DCLRE1C: variants seen among roughly 807,000 people sequenced by gnomAD.
DCLRE1C encodes the protein protein artemis.
A neutral mutation model predicts 61.4 loss-of-function variants in DCLRE1C; 47 were observed. The observed-to-expected ratio is 0.77, with a 90% CI of 0.61 to 0.98. The LOEUF (loss-of-function observed/expected upper bound fraction) is 0.98. Among genes scored for constraint, DCLRE1C ranks in the 50% least tolerant of loss-of-function variants. The pLI is 0.00. For missense variants in DCLRE1C, 858 were observed against 816.0 expected (o/e 1.05, Z -0.63); for synonymous variants, 337 against 287.6 (o/e 1.17, Z -1.74).
chr10:14,928,002 T>C lies in DCLRE1C; in HGVS notation c.917+14A>G. On this transcript the variant is annotated intron_variant, in intron 10 of 13. Coordinates refer to ENST00000378278, the MANE Select transcript of DCLRE1C (RefSeq NM_001033855.3). ...AAAGTTTCTCTCAGAAGACCTATGA[T>C]ATTGCTCTCTTACCTCACAATTACA... 1 of 1,613,454 alleles carries C rather than the reference T, an allele frequency of 6.2e-7. No homozygotes were observed.
chr10:14,940,921 C>T (rs138735967), intron 3 of DCLRE1C, among the ~76,000 whole-genome samples: 3,109 of 152,294 alleles, frequency 0.02, 39 homozygotes, highest in Non-Finnish European at 0.026. Flanking sequence ...CTCGCTCTGT[C>T]GCCCAGGCTG....
At chr10:14,925,222 A>AT (rs1257499445) in intron 11 of DCLRE1C, among the ~76,000 whole-genome samples, 2 of 134,824 alleles carry the variant, frequency 1.5e-5, no homozygotes, top group African/African-American at 3.1e-5. Context: ...GGAATAAAGG[A>AT]TTTAAAAAAA....
At chr10:14,954,417 A>C, upstream of DCLRE1C, 1 of 312,636 alleles carries the variant, frequency 3.2e-6, no homozygotes, top group South Asian at 3.0e-5. Context: ...GCGCTTAGAA[A>C]TCATTCTTCG....
At chr10:14,935,594 T>C in intron 5 of DCLRE1C, 30 bp from the exon 6 acceptor site, 1 of 1,603,048 alleles carries the variant, frequency 6.2e-7, no homozygotes, top group African/African-American at 1.3e-5. Flanking sequence ...CAGTGACTTC[T>C]GAGTCTCATA....
In DCLRE1C at chr10:14,940,281, G is replaced by C. The variant is rs41296974; in HGVS notation, c.247-412C>G. On this transcript the variant is annotated intron_variant, in intron 3 of 13. Transcript: ENST00000378278. ...TCTGTGACATGGATGCTTCATACAC[G>C]GTTCTTTTATTTTTTTTTTTTTTCT... Among the ~76,000 whole-genome samples, 1,234 of 132,290 alleles carry C rather than the reference G, an allele frequency of 9.3e-3. 19 individuals carry two copies. The highest frequency in any genetic ancestry group is 0.033 in the African/African-American group (1,170 of 35,764). The allele number at this position is 132,290 out of a possible 152,430, so 86.8% of individuals were successfully genotyped here. A position where few individuals can be genotyped will look rare whatever the true frequency, so the allele number is the denominator to read the frequency against.
At chr10:14,924,814 T>C (rs1282610047) in intron 11 of DCLRE1C, among the ~76,000 whole-genome samples, 1 of 151,692 alleles carries the variant, frequency 6.6e-6, no homozygotes. Flanking sequence ...GCCACTGCAC[T>C]CCAGCCTGGG....
chr10:14,953,993 C>T lies in DCLRE1C; in HGVS notation c.18G>A (p.Gly6=). Residue 6 remains glycine, a synonymous_variant, in exon 1 of 14, where the codon GGG becomes GGA. Coordinates refer to ENST00000378278, the MANE Select transcript of DCLRE1C (RefSeq NM_001033855.3). ...AGATAGTTGGATACTCGGCCATCTG[C>T]CCCTCGAAAGAACTCATAGCGCCGC... MSSFE[G]QMAEYPTISI... 2 of 1,614,016 alleles carry T rather than the reference C, an allele frequency of 1.2e-6. No homozygotes were observed. Among genetic ancestry groups the T allele is most frequent in the Non-Finnish European group, 8.5e-7 (1 of 1,179,920 alleles).
chr10:14,917,499 CA>C (rs762351575), intron 13 of DCLRE1C, among the ~76,000 whole-genome samples: 4 of 145,032 alleles, frequency 2.8e-5, no homozygotes, highest in African/African-American at 5.1e-5. Context: ...AAAAAAAAAA[CA>C]AAAAAAACTT....
rs41298936 is a variant in DCLRE1C at position 14,924,620 on chromosome 10, G to A, written c.973-1551C>T. Among the ~76,000 whole-genome samples the A allele has an allele frequency of 3.4e-3, 522 of 152,180 alleles. 3 individuals are homozygous for A. Among genetic ancestry groups the A allele is most frequent in the Non-Finnish European group, 5.4e-3 (365 of 68,004 alleles). ...TTCCAGCACTTTGGGAGGCCGAGCC[G>A]GGTGGATCACAAGGTCAGGAGTTCG... is the stretch of plus-strand genomic sequence containing the variant. On this transcript the variant is annotated intron_variant, in intron 11 of 13. Transcript: ENST00000378278.
chr10:14,908,165 C>CTTTTTTTTTT lies in DCLRE1C; in HGVS notation c.*233_*242dup, dbSNP rs750020058. On this transcript the variant is annotated 3_prime_UTR_variant, in exon 14 of 14. Transcript: ENST00000378278. Reference sequence around the variant, plus strand: ...CAGAGTAGCCCACCACCATGCCTGGCTTTTTTTTTTTTTTTTTTTTTTGTA... The same window carrying CTTTTTTTTTT: ...CAGAGTAGCCCACCACCATGCCTGGCTTTTTTTTTTTTTTTTTTTTTTTTTTTTTTTTGTA... The CTTTTTTTTTT allele has an allele frequency of 1.2e-3, 235 of 197,848 alleles. 34 individuals are homozygous for CTTTTTTTTTT. Among genetic ancestry groups the CTTTTTTTTTT allele is most frequent in the Middle Eastern group, 6.3e-3 (3 of 476 alleles). The allele number at this position is 197,848 out of a possible 1,614,324, so 12.3% of individuals were successfully genotyped here.
exon 14 of DCLRE1C, chr10:14,899,170 C>T (rs1240243337): frequency 1.4e-6 from 1 of 699,690 alleles, no homozygotes; most frequent in Admixed American, 2.0e-5. Flanking sequence ...AAAACTAAAT[C>T]ATTAGCTGGG....
At position 14,935,477 on chromosome 10, in the gene DCLRE1C, C is replaced by T. The variant is rs1392587173; in HGVS notation, c.450G>A (p.Leu150=). 7 of 1,613,866 alleles carry T rather than the reference C, an allele frequency of 4.3e-6. No individual in the cohort carries two copies. The highest frequency in any genetic ancestry group is 2.2e-5 in the East Asian group (1 of 44,882). ...AQGEAARMEL[L]HSGGRVKDIQ... is the part of the protein sequence containing the mutation. ...AGGCCCAGTACCTGCCCCCGGAGTG[C>T]AGAAGCTCCATTCTAGCAGCTTCTC... The change falls in exon 6 of 14, where the codon CTG becomes CTA. Residue 150 remains leucine, a synonymous_variant. Coordinates refer to ENST00000378278, the MANE Select transcript of DCLRE1C (RefSeq NM_001033855.3).
intron 9 of DCLRE1C, 121 bp from the exon 10 acceptor site, chr10:14,928,273 A>T (rs951690798): frequency 3.4e-6 from 3 of 886,722 alleles, no homozygotes; most frequent in African/African-American, 1.7e-5. Context: ...AATAAAAAAA[A>T]AGCAGCAAAA....
chr10:14,914,305 TATCA>T (rs1835796302), intron 13 of DCLRE1C, among the ~76,000 whole-genome samples: 1 of 152,204 alleles, frequency 6.6e-6, no homozygotes, highest in South Asian at 2.1e-4. Context: ...AAGATAAAGG[TATCA>T]ATCCCTCAAG....
Position 14,919,820 on chromosome 10 carries a change from T to G in DCLRE1C, c.1074A>C (p.Leu358Phe). The change falls in exon 13 of 14, where the codon TTA becomes TTC. Residue 358 changes from leucine (L) to phenylalanine (F), a missense_variant. Around this residue, in one of 2 missense-constraint regions of DCLRE1C, gnomAD observed 843 missense variants for 783.5 expected, o/e 1.08. Coordinates refer to ENST00000378278, the MANE Select transcript of DCLRE1C (RefSeq NM_001033855.3). ...MDKVVEILKP[L>F]CRSSQSTEPK... ...GCTCCGTACTTTGGGAAGACCGGCA[T>G]AAAGGCTTTAAGCTGAAATGAATCA... 1 of 1,613,040 alleles carries G rather than the reference T, an allele frequency of 6.2e-7. No individual in the cohort carries two copies. Among genetic ancestry groups the G allele is most frequent in the East Asian group, 2.2e-5 (1 of 44,868 alleles).
At chr10:14,923,257 A>G (rs1048884298) in intron 11 of DCLRE1C, 188 bp from the exon 12 acceptor site, 11 of 594,294 alleles carry the variant, frequency 1.9e-5, no homozygotes, top group African/African-American at 1.1e-4. Flanking sequence ...CTCACTCCCA[A>G]AGATCTCCTG....
upstream of DCLRE1C, chr10:14,954,188 G>C: frequency 1.0e-6 from 1 of 998,146 alleles, no homozygotes; most frequent in South Asian, 1.4e-5. Flanking sequence ...CATCCGGTCG[G>C]GTTCTAGGCG....
At chr10:14,901,692 G>A (rs950156847), downstream of DCLRE1C, among the ~76,000 whole-genome samples, 10 of 152,074 alleles carry the variant, frequency 6.6e-5, no homozygotes, top group African/African-American at 1.4e-4. Flanking sequence ...CTAGCCGGGC[G>A]TGGTGGCGTG....
exon 14 of DCLRE1C, chr10:14,898,308 A>G (rs1833748039): frequency 1.3e-5 from 2 of 149,042 alleles, no homozygotes; most frequent in South Asian, 4.2e-4. Context: ...ACATAGTAAT[A>G]AGAACCGAGA....
Sources: gnomAD v4.1 joint callset for allele counts (sites outside exome capture counted in the v4.1 genomes callset) on GRCh38, gnomAD v4.1.1 for gene constraint, gnomAD v4.1.1 regional missense constraint, MANE v1.5 for transcripts, NCBI Gene and HGNC (gene_info 2026-07-23, HGNC 2026-07-21) for gene names.